CCDC12: variants seen among roughly 807,000 people sequenced by gnomAD.
The protein encoded by CCDC12 is coiled-coil domain containing 12.
In CCDC12, 28 loss-of-function variants were observed where a neutral mutation model predicts 25.7. The ratio of observed to expected loss-of-function variants is 1.09; its 90% CI spans 0.81 to 1.50. The LOEUF (loss-of-function observed/expected upper bound fraction) is 1.50, where lower values mean the gene tolerates loss of function less well. Ranked by LOEUF, CCDC12 falls within the 40% of genes most tolerant of loss-of-function variation. The pLI is 0.00. For missense variants in CCDC12, 198 were observed against 210.0 expected (o/e 0.94, Z 0.35); for synonymous variants, 75 against 87.7 (o/e 0.86, Z 0.81).
intron 2 of CCDC12, among the ~76,000 whole-genome samples, chr3:46,935,795 C>T (rs556966423): frequency 6.6e-6 from 1 of 152,286 alleles, no homozygotes; most frequent in Non-Finnish European, 1.5e-5. Flanking sequence ...CTCACTCCCA[C>T]CCAATGGGGA....
intron 1 of CCDC12, among the ~76,000 whole-genome samples, chr3:46,948,302 G>A (rs533493676): frequency 1.3e-5 from 2 of 152,238 alleles, no homozygotes; most frequent in South Asian, 2.1e-4. Context: ...GGGTTCATGT[G>A]TTCCCTAAAG....
At chr3:46,979,684 G>A (rs892777590), upstream of CCDC12, 19 of 315,400 alleles carry the variant, frequency 6.0e-5, no homozygotes, top group Non-Finnish European at 9.9e-5. Context: ...GGAGGAGCGA[G>A]CAGACTTGGG....
intron 1 of CCDC12, among the ~76,000 whole-genome samples, chr3:46,963,895 G>A (rs1324201065): frequency 3.9e-5 from 6 of 152,258 alleles, no homozygotes; most frequent in African/African-American, 1.2e-4. Flanking sequence ...GGGAAGTGAG[G>A]AGCATCTCTG....
intron 1 of CCDC12, among the ~76,000 whole-genome samples, chr3:46,944,977 A>G (rs974532269): frequency 6.6e-6 from 1 of 152,164 alleles, no homozygotes; most frequent in Non-Finnish European, 1.5e-5. Context: ...AACCCCCAAG[A>G]AAACACACCA....
At chr3:46,925,094 C>A (rs2032885265) in intron 3 of CCDC12, 1 of 409,174 alleles carries the variant, frequency 2.4e-6, no homozygotes, top group Non-Finnish European at 4.8e-6. Flanking sequence ...CACCCAGGGC[C>A]CACAGGACCC....
rs781412261 is a variant in CCDC12 at position 46,923,687 on chromosome 3, C to T, written c.245-19G>A. On this transcript the variant is annotated intron_variant, in intron 3 of 6. Coordinates refer to ENST00000683445, the MANE Select transcript of CCDC12 (RefSeq NM_001277074.2). ...TCCTCCACTAGAGGGTGCAATTAAA[C>T]AGAGAAGGCCTGTGGAAAACGCGCT... 5.3e-5 allele frequency: 79 copies of T among 1,501,174 alleles called. No homozygotes were observed. The highest frequency in any genetic ancestry group is 6.3e-5 in the Non-Finnish European group (71 of 1,124,238). The allele number at this position is 1,501,174 out of a possible 1,614,324, so 93.0% of individuals were successfully genotyped here.
At chr3:46,940,165 C>T (rs1303557555) in intron 2 of CCDC12, among the ~76,000 whole-genome samples, 1 of 152,196 alleles carries the variant, frequency 6.6e-6, no homozygotes, top group South Asian at 2.1e-4. Context: ...TCACAAAGAT[C>T]AGCAGCACAG....
intron 1 of CCDC12, among the ~76,000 whole-genome samples, chr3:46,957,451 G>A (rs1486769671): frequency 1.3e-5 from 2 of 151,900 alleles, no homozygotes; most frequent in Non-Finnish European, 2.9e-5. Flanking sequence ...GCTGTAAGTG[G>A]CTCGATTTCT....
chr3:46,948,053 A>G (rs2107154123), intron 1 of CCDC12, among the ~76,000 whole-genome samples: 1 of 152,358 alleles, frequency 6.6e-6, no homozygotes, highest in Admixed American at 6.5e-5. Flanking sequence ...GTGCCTCTGC[A>G]GAGGTCATGG....
chr3:46,947,724 T>C (rs530290029), intron 1 of CCDC12, among the ~76,000 whole-genome samples: 1 of 152,284 alleles, frequency 6.6e-6, no homozygotes, highest in African/African-American at 2.4e-5. Flanking sequence ...CAGACGTTTG[T>C]TGTACCAGTT....
intron 1 of CCDC12, 141 bp from the exon 2 acceptor site, chr3:46,941,206 G>A: frequency 1.4e-6 from 1 of 736,884 alleles, no homozygotes; most frequent in Non-Finnish European, 2.4e-6. Context: ...CTCCAACAGG[G>A]TACACGCCTG....
At chr3:46,947,434 G>C (rs2033950210) in intron 1 of CCDC12, among the ~76,000 whole-genome samples, 1 of 152,214 alleles carries the variant, frequency 6.6e-6, no homozygotes. Flanking sequence ...AGGGCACTTA[G>C]CGGGTAGGGC....
Position 46,923,588 on chromosome 3 carries a change from G to A in CCDC12, c.306+19C>T, listed in dbSNP as rs755190783. 1 of 1,604,956 alleles carries A rather than the reference G, an allele frequency of 6.2e-7. No individual in the cohort carries two copies. Among genetic ancestry groups the A allele is most frequent in the Non-Finnish European group, 8.5e-7 (1 of 1,175,852 alleles). ...ACACACAGAAGCAGCGAGGATGCCA[G>A]GGTGGTCCAGGCACTCACCACCTCC... On this transcript the variant is annotated intron_variant, in intron 4 of 6. Transcript: ENST00000683445.
rs2032690856 is a variant in CCDC12, at chr3:46,921,811, T to C, written c.*246A>G. On this transcript the variant is annotated 3_prime_UTR_variant, in exon 7 of 7. Transcript: ENST00000683445. ...AAATATATACATATATACAGACATATGTACATCCACATGTGCAGACACAGG... is the reference window on the plus strand; with the variant it reads ...AAATATATACATATATACAGACATACGTACATCCACATGTGCAGACACAGG... 1.7e-6 allele frequency: 1 copy of C among 577,134 alleles called. No homozygotes were observed. Among genetic ancestry groups the C allele is most frequent in the Non-Finnish European group, 3.1e-6 (1 of 322,644 alleles). 35.8% of individuals were successfully genotyped at this position (577,134 alleles called of 1,614,324 possible).
upstream of CCDC12, among the ~76,000 whole-genome samples, chr3:46,980,636 G>C (rs1184960458): frequency 6.6e-6 from 1 of 152,102 alleles, no homozygotes; most frequent in Non-Finnish European, 1.5e-5. Flanking sequence ...AGGGAGGCCC[G>C]TTCCTCCTGA....
chr3:46,980,386 T>C (rs1575574558), upstream of CCDC12, among the ~76,000 whole-genome samples: 1 of 151,836 alleles, frequency 6.6e-6, no homozygotes, highest in African/African-American at 2.4e-5. Context: ...TGGGCCAAGG[T>C]AGGGAGGTGT....
chr3:46,957,960 TACACACAC>T (rs367926661), intron 1 of CCDC12, among the ~76,000 whole-genome samples: 786 of 64,770 alleles, frequency 0.012, 9 homozygotes, highest in Non-Finnish European at 0.019. Context: ...AAAAAATAAA[TACACACAC>T]ACACACACAC....
At chr3:46,951,766 C>G (rs1417578248) in intron 1 of CCDC12, among the ~76,000 whole-genome samples, 1 of 56,496 alleles carries the variant, frequency 1.8e-5, no homozygotes, top group Non-Finnish European at 3.3e-5. Flanking sequence ...GGCGACAGAA[C>G]GAGACTCCGT....
chr3:46,977,986 C>T (rs2035054096), upstream of CCDC12, among the ~76,000 whole-genome samples: 1 of 152,232 alleles, frequency 6.6e-6, no homozygotes, highest in African/African-American at 2.4e-5. Flanking sequence ...AAGCCACACC[C>T]CCTCTCACTT....
Sources: gnomAD v4.1 joint callset for allele counts (sites outside exome capture counted in the v4.1 genomes callset) on GRCh38, gnomAD v4.1.1 for gene constraint, MANE v1.5 for transcripts, NCBI Gene and HGNC (gene_info 2026-07-23, HGNC 2026-07-21) for gene names.